Variants in TMEM132B observed in about 807,000 individuals in gnomAD.
TMEM132B encodes the protein transmembrane protein 132B.
In TMEM132B, 18 loss-of-function variants were observed where a neutral mutation model predicts 90.8. That is an observed-to-expected ratio of 0.20 (90% CI 0.14 to 0.29). The LOEUF (loss-of-function observed/expected upper bound fraction) is 0.29. TMEM132B is among the 10% of genes least tolerant of loss of function. TMEM132B has a pLI of 1.00. For synonymous variants in TMEM132B, 504 were observed against 523.3 expected (o/e 0.96, Z 0.50); for missense variants, 1,096 against 1,326.8 (o/e 0.83, Z 2.70).
At chr12:125,422,492 G>A (rs1027200422) in intron 3 of TMEM132B, among the ~76,000 whole-genome samples, 1 of 152,250 alleles carries the variant, frequency 6.6e-6, no homozygotes, top group African/African-American at 2.4e-5. Context: ...CTGGCATGTG[G>A]AAGTAGGGGA....
At chr12:125,651,035 T>C (rs1886902268) in intron 7 of TMEM132B, 82 bp downstream of exon 7, 2 of 1,527,680 alleles carry the variant, frequency 1.3e-6, no homozygotes, top group African/African-American at 1.4e-5. Context: ...TGTGTGTCTG[T>C]GTGCACATGT....
chr12:125,560,243 C>T (rs936593218), intron 4 of TMEM132B, among the ~76,000 whole-genome samples: 2 of 152,120 alleles, frequency 1.3e-5, no homozygotes, highest in East Asian at 1.9e-4. Flanking sequence ...TTGGGAGCTG[C>T]GGGTGGGCTC....
intron 1 of TMEM132B, among the ~76,000 whole-genome samples, chr12:125,207,993 A>G (rs1406008555): frequency 6.6e-6 from 1 of 152,240 alleles, no homozygotes; most frequent in Non-Finnish European, 1.5e-5. Context: ...GTAAATTTAA[A>G]TGGCTACCCG....
chr12:125,644,940 T>A (rs1300613614), intron 6 of TMEM132B, among the ~76,000 whole-genome samples: 1 of 152,058 alleles, frequency 6.6e-6, no homozygotes, highest in East Asian at 1.9e-4. Flanking sequence ...AGTAGACAGT[T>A]CTAAAGACGA....
intron 4 of TMEM132B, among the ~76,000 whole-genome samples, chr12:125,554,255 C>T (rs974731010): frequency 6.6e-6 from 1 of 151,152 alleles, no homozygotes; most frequent in Non-Finnish European, 1.5e-5. Flanking sequence ...AACCCTGTCT[C>T]TACTAAAAAT....
At chr12:125,300,713 G>A (rs948286438) in intron 1 of TMEM132B, among the ~76,000 whole-genome samples, 24 of 152,162 alleles carry the variant, frequency 1.6e-4, no homozygotes, top group African/African-American at 5.3e-4. Flanking sequence ...TATAGATAAG[G>A]CAACTAAGAC....
intron 3 of TMEM132B, among the ~76,000 whole-genome samples, chr12:125,418,685 A>G (rs889572317): frequency 6.6e-6 from 1 of 152,208 alleles, no homozygotes; most frequent in Admixed American, 6.5e-5. Flanking sequence ...TTTTGATAGC[A>G]TATTATGTAC....
At chr12:125,300,992 G>T (rs1875808361) in intron 1 of TMEM132B, 1 of 151,972 alleles carries the variant, frequency 6.6e-6, no homozygotes, top group South Asian at 2.1e-4. Context: ...TTATGAGGTT[G>T]CCTCCATTGC....
At chr12:125,567,161 C>T (rs970444300) in intron 4 of TMEM132B, among the ~76,000 whole-genome samples, 3 of 152,126 alleles carry the variant, frequency 2.0e-5, no homozygotes, top group Admixed American at 6.5e-5. Flanking sequence ...TGGCTGACAA[C>T]CACAGCCTGC....
intron 1 of TMEM132B, among the ~76,000 whole-genome samples, chr12:125,232,152 T>A (rs980655828): frequency 3.3e-5 from 5 of 152,230 alleles, no homozygotes; most frequent in African/African-American, 4.8e-5. Flanking sequence ...TAATTTATTT[T>A]AAAAAATCTC....
At chr12:125,586,683 T>G (rs945266271) in intron 5 of TMEM132B, 1 of 152,250 alleles carries the variant, frequency 6.6e-6, no homozygotes, top group African/African-American at 2.4e-5. Context: ...AGTAGCTGCC[T>G]GGGTGATCAA....
intron 3 of TMEM132B, among the ~76,000 whole-genome samples, chr12:125,470,773 T>C (rs1428774203): frequency 6.6e-6 from 1 of 152,158 alleles, no homozygotes; most frequent in Non-Finnish European, 1.5e-5. Context: ...CTCACTGATA[T>C]GCTCATGGGT....
chr12:125,220,658 G>C (rs1234631366), intron 1 of TMEM132B, among the ~76,000 whole-genome samples: 2 of 152,206 alleles, frequency 1.3e-5, no homozygotes, highest in Non-Finnish European at 2.9e-5. Flanking sequence ...TTGACGCTCT[G>C]TGGTCAGGCA....
intron 1 of TMEM132B, among the ~76,000 whole-genome samples, chr12:125,217,438 T>A (rs1486159877): frequency 6.6e-6 from 1 of 152,198 alleles, no homozygotes; most frequent in African/African-American, 2.4e-5. Flanking sequence ...ATATACTCCT[T>A]CGCTTAATTC....
chr12:125,620,441 A>G (rs927780247), intron 5 of TMEM132B, among the ~76,000 whole-genome samples: 2 of 152,204 alleles, frequency 1.3e-5, no homozygotes, highest in African/African-American at 4.8e-5. Context: ...CCACAAGTTA[A>G]TGGAAGGATG....
chr12:125,217,286 C>T (rs894587550), intron 1 of TMEM132B, among the ~76,000 whole-genome samples: 1 of 152,038 alleles, frequency 6.6e-6, no homozygotes, highest in Non-Finnish European at 1.5e-5. Flanking sequence ...AGGCTGGGGG[C>T]CGGGTACATG....
chr12:125,531,829 T>C (rs1209410149), intron 4 of TMEM132B, among the ~76,000 whole-genome samples: 1 of 152,206 alleles, frequency 6.6e-6, no homozygotes, highest in Non-Finnish European at 1.5e-5. Flanking sequence ...CAAGTAACCG[T>C]CTTTGTCGGC....
At chr12:125,639,430 A>G (rs1435667777) in intron 5 of TMEM132B, among the ~76,000 whole-genome samples, 2 of 152,268 alleles carry the variant, frequency 1.3e-5, no homozygotes, top group African/African-American at 2.4e-5. Context: ...CAGAGGAAAC[A>G]GTTGTGACAT....
chr12:125,285,508 C>T (rs1030901262), intron 1 of TMEM132B, among the ~76,000 whole-genome samples: 8 of 152,178 alleles, frequency 5.3e-5, no homozygotes, highest in Admixed American at 2.6e-4. Flanking sequence ...ATCCATCCAG[C>T]GCTGGACTGA....
Sources: gnomAD v4.1 joint callset for allele counts (sites outside exome capture counted in the v4.1 genomes callset) on GRCh38, gnomAD v4.1.1 for gene constraint, MANE v1.5 for transcripts, NCBI Gene and HGNC (gene_info 2026-07-23, HGNC 2026-07-21) for gene names.